Variants in TJAP1 observed in about 807,000 individuals in gnomAD.
TJAP1 encodes tight junction associated protein 1.
TJAP1 carries 27 observed loss-of-function variants against 42.0 expected under a neutral mutation model. The ratio of observed to expected loss-of-function variants is 0.64; its 90% confidence interval spans 0.47 to 0.89. The LOEUF (loss-of-function observed/expected upper bound fraction) is 0.89. TJAP1 is among the 40% of genes least tolerant of loss of function. TJAP1 has a pLI of 0.00. For missense variants in TJAP1, 712 were observed against 726.9 expected (o/e 0.98, Z 0.24); for synonymous variants, 257 against 288.4 (o/e 0.89, Z 1.10).
In TJAP1 at chr6:43,491,336, G is replaced by A. The variant is rs1046524665; in HGVS notation, c.-121-6545G>A. 6.6e-6 allele frequency among the ~76,000 whole-genome samples: 1 copy of A among 152,154 alleles called. No individual in the cohort carries two copies. Among genetic ancestry groups the A allele is most frequent in the Non-Finnish European group, 1.5e-5 (1 of 68,036 alleles). On this transcript the variant is annotated intron_variant, in intron 2 of 10. Coordinates refer to ENST00000372449, the Ensembl canonical transcript of TJAP1. This position sits in a 1 kb window ranked among gnomAD's most constrained non-coding sequence, Gnocchi z 4.6. ...ACAGAGTTTCGCTCTTGTTGCCCAGGCTGGAGTGCAATGGCACGATCTCGG... is the reference window on the plus strand; with the variant it reads ...ACAGAGTTTCGCTCTTGTTGCCCAGACTGGAGTGCAATGGCACGATCTCGG...
intron 3 of TJAP1, among the ~76,000 whole-genome samples, chr6:43,498,407 A>G (rs1789724555): frequency 6.6e-6 from 1 of 152,178 alleles, no homozygotes; most frequent in Non-Finnish European, 1.5e-5. Flanking sequence ...AAAAATAGCC[A>G]GGTGCAGTGG....
intron 6 of TJAP1, among the ~76,000 whole-genome samples, chr6:43,501,903 ACACACACACACACACACACACACACTCT>A (rs1427869253): frequency 2.5e-5 from 3 of 119,266 alleles, no homozygotes; most frequent in Non-Finnish European, 5.3e-5. Flanking sequence ...ACACACACAC[ACACACACACACACACACACACACACTCT>A]CTCTCTCTCT....
At chr6:43,502,338 C>T (rs781072819) in exon 7 of TJAP1, 10 of 1,613,540 alleles carry the variant, frequency 6.2e-6, no homozygotes, top group African/African-American at 2.7e-5. Context: ...GGAGGACAAG[C>T]TGCACACACT....
chr6:43,477,620 C>A (rs1030043906), exon 1 of TJAP1: 1 of 152,262 alleles, frequency 6.6e-6, no homozygotes, highest in East Asian at 1.9e-4. Context: ...CAGCTGGCAG[C>A]GGCGGAAAGT....
At chr6:43,490,743 G>A (rs1420422758) in intron 2 of TJAP1, among the ~76,000 whole-genome samples, 2 of 152,180 alleles carry the variant, frequency 1.3e-5, no homozygotes, top group East Asian at 1.9e-4. Flanking sequence ...TTTCACATCC[G>A]GAGTTTCTGG....
At chr6:43,503,158 A>G in intron 8 of TJAP1, 1 of 554,192 alleles carries the variant, frequency 1.8e-6, no homozygotes, top group Non-Finnish European at 3.2e-6. Flanking sequence ...CAGCTCTTAT[A>G]CTGCCTGTGT....
rs987800083 is a variant in TJAP1, at chr6:43,491,320, C to T, written c.-121-6561C>T. Among the ~76,000 whole-genome samples, 3 of 152,190 alleles carry T rather than the reference C, an allele frequency of 2.0e-5. No homozygotes were observed. Among genetic ancestry groups the T allele is most frequent in the East Asian group, 3.9e-4 (2 of 5,192 alleles). Reference sequence around the variant, plus strand: ...TTGGGTTTTTTTTGAGACAGAGTTTCGCTCTTGTTGCCCAGGCTGGAGTGC... The same window carrying T: ...TTGGGTTTTTTTTGAGACAGAGTTTTGCTCTTGTTGCCCAGGCTGGAGTGC... On this transcript the variant is annotated intron_variant, in intron 2 of 10. Coordinates refer to ENST00000372449, the Ensembl canonical transcript of TJAP1. This position sits in a 1 kb window ranked among gnomAD's most constrained non-coding sequence, Gnocchi z 4.6.
At chr6:43,479,950 CAG>C (rs1784967174) in intron 2 of TJAP1, among the ~76,000 whole-genome samples, 1 of 151,482 alleles carries the variant, frequency 6.6e-6, no homozygotes, top group East Asian at 1.9e-4. Context: ...AGTCAGGTGA[CAG>C]AGCAAGACTC....
intron 2 of TJAP1, among the ~76,000 whole-genome samples, chr6:43,480,093 G>T (rs1257839719): frequency 1.3e-5 from 2 of 152,224 alleles, no homozygotes; most frequent in Admixed American, 6.5e-5. Flanking sequence ...AATGTGGGTA[G>T]TAAGAGTATC....
rs2127569166 is a variant in TJAP1, at chr6:43,495,160, TC to T, written c.-121-2719del. Among the ~76,000 whole-genome samples the T allele has an allele frequency of 6.6e-6, 1 of 152,338 alleles. No individual in the cohort carries two copies. Among genetic ancestry groups the T allele is most frequent in the South Asian group, 2.1e-4 (1 of 4,828 alleles). On this transcript the variant is annotated intron_variant, in intron 2 of 10. Transcript: ENST00000372449. The surrounding 1 kb of genome is among the most constrained non-coding windows in gnomAD (Gnocchi z 4.6). ...GAGGCTGCACCTGGTAGCTGGGTCT[TC>T]CTGGAGGGACCACTCTGATGCCATC...
chr6:43,504,903 C>T, exon 11 of TJAP1: 2 of 1,614,210 alleles, frequency 1.2e-6, no homozygotes, highest in Non-Finnish European at 8.5e-7. Context: ...AAGCCGGAGT[C>T]TCTACTGCTC....
intron 2 of TJAP1, among the ~76,000 whole-genome samples, chr6:43,480,715 C>T (rs763243758): frequency 5.9e-5 from 9 of 152,094 alleles, no homozygotes; most frequent in Non-Finnish European, 1.2e-4. Context: ...GGGGTTTCAC[C>T]GCATTGGTCA....
chr6:43,502,475 G>A (rs1582107583), intron 7 of TJAP1, 113 bp from the exon 8 acceptor site: 1 of 1,479,940 alleles, frequency 6.8e-7, no homozygotes. Flanking sequence ...GGCAGTGGTG[G>A]GGGTACTGCA....
exon 11 of TJAP1, chr6:43,504,906 T>C: frequency 1.2e-6 from 2 of 1,614,200 alleles, no homozygotes; most frequent in Non-Finnish European, 1.7e-6. Context: ...CCGGAGTCTC[T>C]ACTGCTCAAT....
intron 6 of TJAP1, 145 bp from the exon 7 acceptor site, chr6:43,502,138 G>C: frequency 3.1e-6 from 2 of 647,888 alleles, no homozygotes; most frequent in East Asian, 3.0e-5. Context: ...GCTGGAAGAT[G>C]CCTTAGAGAT....
chr6:43,493,906 A>G (rs940604433), intron 2 of TJAP1, among the ~76,000 whole-genome samples: 3 of 152,138 alleles, frequency 2.0e-5, no homozygotes, highest in Non-Finnish European at 4.4e-5. Context: ...CCTCCTGGTT[A>G]AAGAGTGATG....
In TJAP1 at chr6:43,491,020, T is replaced by C. The variant is rs1181901577; in HGVS notation, c.-121-6861T>C. 2.6e-5 allele frequency among the ~76,000 whole-genome samples: 4 copies of C among 152,190 alleles called. No individual in the cohort carries two copies. The highest frequency in any genetic ancestry group is 5.9e-5 in the Non-Finnish European group (4 of 68,048). ...ACTCTAGATAGACTGTGGCTTCGGC[T>C]TCCGGAGGCAGTGTGGTGCTAGGGA... is the stretch of plus-strand genomic sequence containing the variant. On this transcript the variant is annotated intron_variant, in intron 2 of 10. Transcript: ENST00000372449. The surrounding 1 kb of genome is among the most constrained non-coding windows in gnomAD (Gnocchi z 4.6).
Position 43,503,382 on chromosome 6 carries a change from C to T in TJAP1, c.388-19C>T. On this transcript the variant is annotated intron_variant, in intron 8 of 10. Coordinates refer to ENST00000372449, the Ensembl canonical transcript of TJAP1. ...CTGGCTAGAGTGTGGGCTGGGTTAA[C>T]CTCAAGTCTGTGCTTCAGATCAAGA... The T allele has an allele frequency of 6.2e-7, 1 of 1,603,628 alleles. No homozygotes were observed. Among genetic ancestry groups the T allele is most frequent in the East Asian group, 2.2e-5 (1 of 44,844 alleles).
chr6:43,501,700 G>T lies in TJAP1; in HGVS notation c.290+13G>T. On this transcript the variant is annotated intron_variant, in intron 6 of 10. Coordinates refer to ENST00000372449, the Ensembl canonical transcript of TJAP1. ...ATAAGTTCCGCAGGTGTGGGAATGA[G>T]GGGCCAGACACACACACACACACAC... is the stretch of plus-strand genomic sequence containing the variant. 1.3e-6 allele frequency: 1 copy of T among 775,176 alleles called. No homozygotes were observed. The allele number at this position is 775,176 out of a possible 1,614,324, so 48.0% of individuals were successfully genotyped here.
Sources: allele counts gnomAD v4.1 joint callset (sites outside exome capture counted in the v4.1 genomes callset), GRCh38; gene constraint gnomAD v4.1.1; non-coding constraint Gnocchi (gnomAD v3.1); transcripts MANE v1.5; gene names NCBI Gene and HGNC (gene_info 2026-07-23, HGNC 2026-07-21).